Variants in AADAC observed in about 807,000 individuals in gnomAD.
AADAC encodes the protein arylacetamide deacetylase, also known as arylacetamide deacetylase (esterase).
AADAC carries 17 observed loss-of-function variants against 22.7 expected under a neutral mutation model. The ratio of observed to expected loss-of-function variants is 0.75; its 90% confidence interval spans 0.51 to 1.12. The LOEUF is 1.12. Ranked by LOEUF, AADAC falls within the 50% of genes most tolerant of loss-of-function variation. The pLI is 0.00. For synonymous variants in AADAC, 167 were observed against 176.3 expected, an observed-to-expected ratio of 0.95 and a Z score of 0.42; for missense variants, 465 against 473.9, an observed-to-expected ratio of 0.98 and a Z score of 0.17.
chr3:151,822,541 A>C (rs1433679731), intron 3 of AADAC, among the ~76,000 whole-genome samples: 1 of 152,066 alleles, frequency 6.6e-6, no homozygotes, highest in Non-Finnish European at 1.5e-5. Flanking sequence ...TTATTCATCC[A>C]TTTATCAGTT....
At chr3:151,823,194 C>T (rs1294891730) in intron 3 of AADAC, among the ~76,000 whole-genome samples, 1 of 151,794 alleles carries the variant, frequency 6.6e-6, no homozygotes, top group Middle Eastern at 3.4e-3. Flanking sequence ...AGGAGAATTG[C>T]TTGAACCTGG....
rs1716587051 is a variant in AADAC, at chr3:151,828,103, AT to A, written c.1134del (p.Leu379TrpfsTer10). ...AGGATGGATTCCATGGAGCATTTTC[AT>A]TTCTGGGACTTAAAATTAGTCACAG... is the stretch of plus-strand genomic sequence containing the variant. ...VEDGFHGAFSFLGLKISHRLI... is the reference protein window; with the variant it reads ...VEDGFHGAFSXLGLKISHRLI... On this transcript the variant is annotated frameshift_variant, in exon 5 of 5. Transcript: ENST00000232892. LOFTEE classifies it low-confidence loss of function (END_TRUNC). The A allele has an allele frequency of 1.2e-6, 2 of 1,609,900 alleles. No homozygotes were observed. The highest frequency in any genetic ancestry group is 8.5e-7 in the Non-Finnish European group (1 of 1,177,348).
In AADAC at chr3:151,824,587, A is replaced by G. The variant is rs1716393210; in HGVS notation, c.432-76A>G. The G allele has an allele frequency of 5.8e-6, 7 of 1,197,240 alleles. No individual in the cohort carries two copies. In the Admixed American group the frequency reaches 2.6e-4, roughly 45 times the overall value. The allele number at this position is 1,197,240 out of a possible 1,614,324, so 74.2% of individuals were successfully genotyped here. ...CAAAAGTTATTGCGGTTTTGTCATT[A>G]CTTTTGCACCAATAATATATTACAG... On this transcript the variant is annotated intron_variant, in intron 3 of 4. Coordinates refer to ENST00000232892, the MANE Select transcript of AADAC (RefSeq NM_001086.3).
chr3:151,825,685 G>A (rs112764605), intron 4 of AADAC, among the ~76,000 whole-genome samples: 168 of 151,666 alleles, frequency 1.1e-3, no homozygotes, highest in African/African-American at 3.9e-3. Flanking sequence ...ATTTAATAAT[G>A]GCAATATAAT....
At chr3:151,825,216 A>G (rs1340812053) in intron 4 of AADAC, among the ~76,000 whole-genome samples, 1 of 151,534 alleles carries the variant, frequency 6.6e-6, no homozygotes, top group Non-Finnish European at 1.5e-5. Context: ...TACAAAAAAA[A>G]AAAAAGAAAA....
chr3:151,822,416 A>G (rs957329991), intron 3 of AADAC, among the ~76,000 whole-genome samples: 5 of 152,068 alleles, frequency 3.3e-5, no homozygotes, highest in African/African-American at 1.2e-4. Context: ...TAACTGATAA[A>G]TGGATGAATA....
intron 4 of AADAC, among the ~76,000 whole-genome samples, chr3:151,827,007 T>C (rs891599155): frequency 6.6e-6 from 1 of 151,886 alleles, no homozygotes; most frequent in African/African-American, 2.4e-5. Flanking sequence ...CTCCACCTCA[T>C]GGGTTCAAGC....
intron 3 of AADAC, among the ~76,000 whole-genome samples, chr3:151,822,751 G>A (rs1310382562): frequency 6.6e-6 from 1 of 152,000 alleles, no homozygotes; most frequent in African/African-American, 2.4e-5. Context: ...GGAGAAATGA[G>A]AAGTGACTAC....
intron 3 of AADAC, among the ~76,000 whole-genome samples, chr3:151,823,533 A>C (rs990552381): frequency 2.6e-5 from 4 of 151,970 alleles, no homozygotes; most frequent in African/African-American, 9.7e-5. Flanking sequence ...TACTGTATAC[A>C]TCAGGAAAAT....
In AADAC at chr3:151,828,297, G is replaced by T. The variant is rs1716594826; in HGVS notation, c.*125G>T. Reference sequence around the variant, plus strand: ...CACATGTAGCATAATTCTTAAATAGGCACTTTTCTGTTTTTTTTTTCTTAC... The same window carrying T: ...CACATGTAGCATAATTCTTAAATAGTCACTTTTCTGTTTTTTTTTTCTTAC... On this transcript the variant is annotated 3_prime_UTR_variant, in exon 5 of 5. Transcript: ENST00000232892. The T allele has an allele frequency of 6.3e-6, 3 of 478,474 alleles. No individual in the cohort carries two copies. Among genetic ancestry groups the T allele is most frequent in the Admixed American group, 4.2e-5 (1 of 23,536 alleles). 29.6% of individuals were successfully genotyped at this position (478,474 alleles called of 1,614,324 possible).
Position 151,818,635 on chromosome 3 carries a change from T to C in AADAC, c.361+1047T>C, listed in dbSNP as rs559980159. Among the ~76,000 whole-genome samples the C allele has an allele frequency of 2.0e-5, 3 of 152,222 alleles. No individual in the cohort carries two copies. The South Asian group carries it at 6.2e-4, about 32-fold the overall frequency. Reference sequence around the variant, plus strand: ...ACTGGTTCCACAAGTTGGTTACCTTTGGCTGAAACTCAGTGATTGGGACAA... The same window carrying C: ...ACTGGTTCCACAAGTTGGTTACCTTCGGCTGAAACTCAGTGATTGGGACAA... On this transcript the variant is annotated intron_variant, in intron 2 of 4. Coordinates refer to ENST00000232892, the MANE Select transcript of AADAC (RefSeq NM_001086.3).
intron 2 of AADAC, among the ~76,000 whole-genome samples, chr3:151,818,160 G>A (rs1329281180): frequency 6.6e-6 from 1 of 150,660 alleles, no homozygotes; most frequent in African/African-American, 2.4e-5. Flanking sequence ...ATAATCACTT[G>A]AACCCAGGAG....
rs753117964 is a variant in AADAC, at chr3:151,820,454, T to C, written c.431+2T>C. On this transcript the variant is annotated splice_donor_variant, in intron 3 of 4. Transcript: ENST00000232892. LOFTEE classifies it high-confidence loss of function. ...TGATGCTGTCGTCGTATCAACCAAG[T>C]AAGAGCTGTGCTGTTTGGTTTCCTG... 3 of 1,577,320 alleles carry C rather than the reference T, an allele frequency of 1.9e-6. No homozygotes were observed. The highest frequency in any genetic ancestry group is 2.6e-6 in the Non-Finnish European group (3 of 1,158,414).
chr3:151,820,367 T>C lies in AADAC; in HGVS notation c.362-16T>C, dbSNP rs1227938504. The C allele has an allele frequency of 6.4e-7, 1 of 1,558,920 alleles. No homozygotes were observed. Among genetic ancestry groups the C allele is most frequent in the East Asian group, 2.3e-5 (1 of 43,614 alleles). On this transcript the variant is annotated splice_polypyrimidine_tract_variant and intron_variant, in intron 2 of 4. Coordinates refer to ENST00000232892, the MANE Select transcript of AADAC (RefSeq NM_001086.3). ...GTCTGTTTTACTAATATGTTGCTTT[T>C]ATCCTTTTATTTCAGCTCTAAGTGG...
At chr3:151,825,609 A>G (rs1716456794) in intron 4 of AADAC, among the ~76,000 whole-genome samples, 2 of 152,068 alleles carry the variant, frequency 1.3e-5, no homozygotes, top group African/African-American at 4.8e-5. Context: ...CTACTTACAA[A>G]GAAGAAATAT....
chr3:151,818,914 G>C (rs1368390991), intron 2 of AADAC, among the ~76,000 whole-genome samples: 2 of 151,986 alleles, frequency 1.3e-5, no homozygotes, highest in African/African-American at 4.8e-5. Flanking sequence ...GGGCTCTTGA[G>C]ATTCATCTGT....
At chr3:151,815,144 GAAGT>G (rs1440118775) in intron 1 of AADAC, among the ~76,000 whole-genome samples, 1 of 152,022 alleles carries the variant, frequency 6.6e-6, no homozygotes, top group East Asian at 1.9e-4. Context: ...TAGTTCATGA[GAAGT>G]ACCTTTAAGG....
In AADAC at chr3:151,824,670, T is replaced by C. The variant is rs1716399272; in HGVS notation, c.439T>C (p.Leu147=). 6.4e-7 allele frequency: 1 copy of C among 1,571,602 alleles called. No individual in the cohort carries two copies. Among genetic ancestry groups the C allele is most frequent in the African/African-American group, 1.4e-5 (1 of 73,110 alleles). The change falls in exon 4 of 5, where the codon TTA becomes CTA. Residue 147 remains leucine, a synonymous_variant. Transcript: ENST00000232892. ...TATGTTTTCTCTCTACAGCTACAGATTAGCACCTAAGTATCATTTCCCAAT... is the reference window on the plus strand; with the variant it reads ...TATGTTTTCTCTCTACAGCTACAGACTAGCACCTAAGTATCATTTCCCAAT... ...DAVVVSTNYR[L]APKYHFPIQF...
intron 4 of AADAC, among the ~76,000 whole-genome samples, chr3:151,826,606 A>G (rs930589): frequency 0.76 from 114,865 of 151,760 alleles, 43,849 homozygotes; most frequent in Middle Eastern, 0.84. Context: ...TACACACTTC[A>G]AAAACACAAA....
Sources: allele counts gnomAD v4.1 joint callset (sites outside exome capture counted in the v4.1 genomes callset), GRCh38; gene constraint gnomAD v4.1.1; transcripts MANE v1.5; gene names NCBI Gene and HGNC (gene_info 2026-07-23, HGNC 2026-07-21).